Variants in PPM1H observed in about 807,000 individuals in gnomAD.
PPM1H encodes the protein protein phosphatase, Mg2+/Mn2+ dependent 1H.
Under a neutral mutation model 54.9 loss-of-function variants are expected in PPM1H, and 27 were observed. The ratio of observed to expected loss-of-function variants is 0.49; its 90% CI spans 0.36 to 0.68. The LOEUF (loss-of-function observed/expected upper bound fraction) is 0.68, where lower values mean the gene tolerates loss of function less well. PPM1H is among the 30% of genes least tolerant of loss of function. The pLI is 0.00. For missense variants in PPM1H, 596 were observed against 667.8 expected, an observed-to-expected ratio of 0.89 and a Z score of 1.19; for synonymous variants, 305 against 270.8, an observed-to-expected ratio of 1.13 and a Z score of -1.24.
chr12:62,889,687 T>C (rs1304384524), intron 1 of PPM1H, among the ~76,000 whole-genome samples: 3 of 152,098 alleles, frequency 2.0e-5, no homozygotes, highest in Admixed American at 1.3e-4. Context: ...CAGATAATCT[T>C]TTCAACAAAC....
intron 8 of PPM1H, among the ~76,000 whole-genome samples, chr12:62,667,767 T>C (rs1565750288): frequency 1.3e-5 from 2 of 152,328 alleles, no homozygotes; most frequent in East Asian, 3.9e-4. Flanking sequence ...AAATATCTGA[T>C]TTTTCTGCTT....
At chr12:62,748,558 A>ACACACACACT (rs1185484553) in intron 4 of PPM1H, among the ~76,000 whole-genome samples, 1 of 151,470 alleles carries the variant, frequency 6.6e-6, no homozygotes, top group African/African-American at 2.4e-5. Flanking sequence ...ACACACACAC[A>ACACACACACT]CACACACACG....
intron 8 of PPM1H, among the ~76,000 whole-genome samples, chr12:62,670,653 C>T (rs1162885004): frequency 6.6e-6 from 1 of 152,170 alleles, no homozygotes; most frequent in Non-Finnish European, 1.5e-5. Context: ...TAAAATGCTA[C>T]TCTTCAATTC....
At chr12:62,892,541 C>T (rs1870835659) in intron 1 of PPM1H, among the ~76,000 whole-genome samples, 1 of 152,186 alleles carries the variant, frequency 6.6e-6, no homozygotes, top group Non-Finnish European at 1.5e-5. Flanking sequence ...AATTTACATC[C>T]TGTTGCTCTA....
chr12:62,810,876 T>C (rs2076831219), intron 2 of PPM1H, among the ~76,000 whole-genome samples: 1 of 152,192 alleles, frequency 6.6e-6, no homozygotes, highest in African/African-American at 2.4e-5. Flanking sequence ...GACAGTAAGA[T>C]TACTTCATGT....
At chr12:62,862,948 C>T (rs1353068268) in intron 1 of PPM1H, among the ~76,000 whole-genome samples, 1 of 152,020 alleles carries the variant, frequency 6.6e-6, no homozygotes, top group East Asian at 1.9e-4. Flanking sequence ...ATCAAATAAC[C>T]CTAAGAATCA....
intron 1 of PPM1H, among the ~76,000 whole-genome samples, chr12:62,879,476 G>T (rs1870311558): frequency 6.6e-6 from 1 of 152,112 alleles, no homozygotes; most frequent in African/African-American, 2.4e-5. Context: ...CACGGATGAA[G>T]CTGGAAACCA....
intron 1 of PPM1H, among the ~76,000 whole-genome samples, chr12:62,835,141 A>G (rs1345610676): frequency 6.6e-6 from 1 of 152,210 alleles, no homozygotes; most frequent in African/African-American, 2.4e-5. Context: ...CAACAGCTAC[A>G]TGCCAAGGTG....
intron 4 of PPM1H, among the ~76,000 whole-genome samples, chr12:62,750,771 C>T (rs1350668174): frequency 6.6e-6 from 1 of 152,296 alleles, no homozygotes; most frequent in East Asian, 1.9e-4. Flanking sequence ...AGAGTTCAAA[C>T]TAGATTCAGA....
chr12:62,835,766 A>C (rs1868485872), intron 1 of PPM1H, among the ~76,000 whole-genome samples: 1 of 152,116 alleles, frequency 6.6e-6, no homozygotes, highest in Non-Finnish European at 1.5e-5. Flanking sequence ...CCCCTATTTT[A>C]TATTATTTCA....
rs1592678033 is a variant in PPM1H, at chr12:62,934,796, G to C, written c.-60C>G. 2.2e-6 allele frequency: 3 copies of C among 1,390,312 alleles called. No individual in the cohort carries two copies. The highest frequency in any genetic ancestry group is 2.8e-6 in the Non-Finnish European group (3 of 1,069,720). The allele number at this position is 1,390,312 out of a possible 1,614,324, so 86.1% of individuals were successfully genotyped here. ...GGAGGCGGCGGGGGCCGGGCAAGGC[G>C]CAGCGCGGGGCATGCAGGCTGCGGT... On this transcript the variant is annotated 5_prime_UTR_variant, in exon 1 of 10. Transcript: ENST00000228705. This position sits in a 1 kb window ranked among gnomAD's most constrained non-coding sequence, Gnocchi z 4.2.
At chr12:62,909,096 T>C (rs1871384440) in intron 1 of PPM1H, among the ~76,000 whole-genome samples, 1 of 151,974 alleles carries the variant, frequency 6.6e-6, no homozygotes. Flanking sequence ...AAATCCGGAA[T>C]TATCTTTGAC....
At position 62,785,884 on chromosome 12, in the gene PPM1H, A is replaced by G. The variant is rs971460677; in HGVS notation, c.869+2342T>C. Reference sequence around the variant, plus strand: ...AGGAAAAAAAAAAAAAAAAGAGAGAAAAAGGCACTGGGGAGGAGTTGAGTC... The same window carrying G: ...AGGAAAAAAAAAAAAAAAAGAGAGAGAAAGGCACTGGGGAGGAGTTGAGTC... On this transcript the variant is annotated intron_variant, in intron 4 of 9. Coordinates refer to ENST00000228705, the MANE Select transcript of PPM1H (RefSeq NM_020700.2). Among the ~76,000 whole-genome samples the G allele has an allele frequency of 4.6e-5, 7 of 152,026 alleles. No homozygotes were observed. The East Asian group carries it at 7.7e-4, about 17-fold the overall frequency.
At chr12:62,829,238 C>T (rs1352896401) in intron 2 of PPM1H, among the ~76,000 whole-genome samples, 1 of 152,148 alleles carries the variant, frequency 6.6e-6, no homozygotes, top group Non-Finnish European at 1.5e-5. Context: ...GAACATTATG[C>T]TAAGTGAAAT....
chr12:62,674,350 G>T (rs699560), intron 8 of PPM1H, among the ~76,000 whole-genome samples: 1 of 151,956 alleles, frequency 6.6e-6, no homozygotes, highest in Non-Finnish European at 1.5e-5. Context: ...AAGGCTGCCA[G>T]TAGTTGGTGG....
chr12:62,648,485 A>G lies in PPM1H; in HGVS notation c.*4T>C. On this transcript the variant is annotated 3_prime_UTR_variant, in exon 10 of 10. Transcript: ENST00000228705. ...CTCTGTCCTCCCAATCCCCTGGGCC[A>G]TTTTCATGACAGCTTGTTTCCATGT... The G allele has an allele frequency of 6.2e-7, 1 of 1,613,818 alleles. No individual in the cohort carries two copies. Among genetic ancestry groups the G allele is most frequent in the Non-Finnish European group, 8.5e-7 (1 of 1,179,790 alleles).
Position 62,801,875 on chromosome 12 carries a change from T to C in PPM1H, c.697A>G (p.Lys233Glu), listed in dbSNP as rs762817798. 1.9e-6 allele frequency: 3 copies of C among 1,613,862 alleles called. No individual in the cohort carries two copies. The highest frequency in any genetic ancestry group is 1.1e-5 in the South Asian group (1 of 91,080). The change falls in exon 3 of 10, where the codon AAG becomes GAG. Residue 233 changes from lysine (K) to glutamate (E), a missense_variant. Physicochemically the swap from Lys to Glu is moderately conservative, Grantham distance 56. Transcript: ENST00000228705. ...STPPTRFFTE[K>E]KIPHECLVIG... ...ACCAGGCACTCATGGGGAATCTTCT[T>C]CTCGGTAAAGAAGCGTGTGGGGGGC...
chr12:62,676,817 C>T (rs1000380968), intron 8 of PPM1H, among the ~76,000 whole-genome samples: 11 of 152,174 alleles, frequency 7.2e-5, no homozygotes, highest in Admixed American at 3.9e-4. Context: ...GATGACATGT[C>T]GATGGCAGCA....
intron 8 of PPM1H, among the ~76,000 whole-genome samples, chr12:62,687,562 C>CT (rs559654707): frequency 0.012 from 1,719 of 141,858 alleles, 22 homozygotes; most frequent in African/African-American, 0.032. Context: ...TCTTGCAGTA[C>CT]TTTTTTTTTT....
Sources: allele counts gnomAD v4.1 joint callset (sites outside exome capture counted in the v4.1 genomes callset), GRCh38; gene constraint gnomAD v4.1.1; non-coding constraint Gnocchi (gnomAD v3.1); transcripts MANE v1.5; gene names NCBI Gene and HGNC (gene_info 2026-07-23, HGNC 2026-07-21).